The following UBE3C variants were observed in gnomAD, a reference collection of about 807,000 sequenced individuals.
The protein encoded by UBE3C is ubiquitin-protein ligase E3C.
UBE3C carries 42 observed loss-of-function variants against 129.4 expected under a neutral mutation model. The ratio of observed to expected loss-of-function variants is 0.32; its 90% confidence interval spans 0.25 to 0.42. The LOEUF is 0.42. Among genes scored for constraint, UBE3C ranks in the 10% least tolerant of loss-of-function variants. The probability of loss-of-function intolerance (pLI) is 1.00; values close to 1 mark genes in which losing one functional copy is unlikely to be tolerated. For synonymous variants in UBE3C, 510 were observed against 492.4 expected, an observed-to-expected ratio of 1.04 and a Z score of -0.47; for missense variants, 1,049 against 1,319.1, an observed-to-expected ratio of 0.80 and a Z score of 3.17.
intron 10 of UBE3C, among the ~76,000 whole-genome samples, chr7:157,200,792 T>G (rs1488898404): frequency 6.6e-6 from 1 of 151,982 alleles, no homozygotes; most frequent in Non-Finnish European, 1.5e-5. Flanking sequence ...CACACCCAAC[T>G]TTTCATAGAG....
rs1809461765 is a variant in UBE3C, at chr7:157,207,381, CT to C, written c.1419-13del. 2.5e-6 allele frequency: 4 copies of C among 1,588,722 alleles called. No individual in the cohort carries two copies. Among genetic ancestry groups the C allele is most frequent in the Non-Finnish European group, 3.4e-6 (4 of 1,174,288 alleles). ...TTTTAAAGTGACTGGTTTTTTTCTT[CT>C]TTTCTTTAATTCAAGGTCTATGGTA... On this transcript the variant is annotated splice_polypyrimidine_tract_variant and intron_variant, in intron 11 of 22. Coordinates refer to ENST00000348165, the MANE Select transcript of UBE3C (RefSeq NM_014671.3).
chr7:157,159,902 A>G (rs2116847497), intron 1 of UBE3C, among the ~76,000 whole-genome samples: 1 of 152,316 alleles, frequency 6.6e-6, no homozygotes, highest in African/African-American at 2.4e-5. Flanking sequence ...CAAAATTTAA[A>G]AATAAAACTG....
At chr7:157,256,878 T>C in intron 21 of UBE3C, 36 bp from the exon 22 acceptor site, 2 of 1,612,628 alleles carry the variant, frequency 1.2e-6, no homozygotes, top group Non-Finnish European at 1.7e-6. Flanking sequence ...TGGGTGTGCT[T>C]TGCATTTCAT....
intron 11 of UBE3C, among the ~76,000 whole-genome samples, chr7:157,206,298 T>G (rs989484882): frequency 2.0e-5 from 3 of 152,242 alleles, no homozygotes; most frequent in Non-Finnish European, 4.4e-5. Flanking sequence ...AGTCTCGCCC[T>G]GTTGCCCAGG....
At chr7:157,159,820 C>A (rs2116847270) in intron 1 of UBE3C, among the ~76,000 whole-genome samples, 1 of 152,092 alleles carries the variant, frequency 6.6e-6, no homozygotes, top group East Asian at 1.9e-4. Flanking sequence ...GACTCTGTCT[C>A]CAAAAAAATA....
rs191966728 is a variant in UBE3C at position 157,202,330 on chromosome 7, C to G, written c.1418+523C>G. Among the ~76,000 whole-genome samples the G allele has an allele frequency of 2.6e-3, 391 of 152,250 alleles. 2 individuals are homozygous for G. Among genetic ancestry groups the G allele is most frequent in the African/African-American group, 8.4e-3 (349 of 41,546 alleles). On this transcript the variant is annotated intron_variant, in intron 11 of 22. Transcript: ENST00000348165. ...ATCCTTCATGGTAAACTGACTTAGC[C>G]TAGTACTCTGTTGTTGAATTTTTCC...
intron 21 of UBE3C, among the ~76,000 whole-genome samples, chr7:157,256,227 C>T (rs1319388413): frequency 2.0e-5 from 3 of 152,156 alleles, no homozygotes; most frequent in African/African-American, 4.8e-5. Context: ...ACTGCAGCCT[C>T]TGCCTTCTGG....
rs1451304939 is a variant in UBE3C at position 157,139,296 on chromosome 7, C to T, written c.24C>T (p.Phe8=). 5.7e-6 allele frequency: 9 copies of T among 1,583,184 alleles called. No homozygotes were observed. The East Asian group carries it at 2.1e-4, about 37-fold the overall frequency. MFSFEGD[F]KTRPKVSLGG... ...GGATGTTCAGCTTCGAAGGCGACTT[C>T]AAGACGCGGCCCAAGGTGTCCCTTG... Residue 8 remains phenylalanine, a synonymous_variant, in exon 1 of 23, where the codon TTC becomes TTT. Transcript: ENST00000348165.
At chr7:157,178,987 A>G (rs1396349122) in intron 6 of UBE3C, 140 bp downstream of exon 6, 1 of 1,017,314 alleles carries the variant, frequency 9.8e-7, no homozygotes, top group Non-Finnish European at 1.4e-6. Context: ...TGCTCCATCC[A>G]CAGGTGCCCA....
intron 1 of UBE3C, among the ~76,000 whole-genome samples, chr7:157,156,508 C>T (rs1388425920): frequency 2.0e-5 from 3 of 151,566 alleles, no homozygotes; most frequent in East Asian, 1.9e-4. Context: ...GGTTTCACTA[C>T]GTTGGCTGGG....
At chr7:157,208,811 A>G (rs1809511187) in intron 13 of UBE3C, among the ~76,000 whole-genome samples, 1 of 152,224 alleles carries the variant, frequency 6.6e-6, no homozygotes, top group Admixed American at 6.5e-5. Context: ...AGAAAAGGAA[A>G]AGGGTGCTTG....
intron 18 of UBE3C, among the ~76,000 whole-genome samples, chr7:157,236,232 A>C (rs139160197): frequency 2.0e-5 from 3 of 147,120 alleles, no homozygotes; most frequent in African/African-American, 7.4e-5. Flanking sequence ...TGGTAATGTC[A>C]TCTTGAACTT....
At chr7:157,150,724 G>A (rs573391902) in intron 1 of UBE3C, among the ~76,000 whole-genome samples, 17 of 152,296 alleles carry the variant, frequency 1.1e-4, no homozygotes, top group South Asian at 8.3e-4. Context: ...TTACAAAACA[G>A]GATTGCAGTC....
At chr7:157,162,121 A>G (rs957527678) in intron 1 of UBE3C, among the ~76,000 whole-genome samples, 3 of 152,122 alleles carry the variant, frequency 2.0e-5, no homozygotes, top group Non-Finnish European at 2.9e-5. Context: ...TAGTTCATGT[A>G]TCAGTGTATA....
At chr7:157,144,735 A>G (rs143597883) in intron 1 of UBE3C, among the ~76,000 whole-genome samples, 11 of 152,266 alleles carry the variant, frequency 7.2e-5, no homozygotes, top group Admixed American at 2.0e-4. Context: ...CAGGTTTACA[A>G]TCAAGCAGAG....
chr7:157,186,515 G>A (rs1042899269), intron 9 of UBE3C, among the ~76,000 whole-genome samples: 1 of 152,072 alleles, frequency 6.6e-6, no homozygotes, highest in Admixed American at 6.6e-5. Context: ...GTTTCACTAT[G>A]TATGGTTGTC....
intron 22 of UBE3C, among the ~76,000 whole-genome samples, chr7:157,259,907 G>GT (rs913089806): frequency 1.1e-4 from 17 of 152,184 alleles, no homozygotes; most frequent in African/African-American, 3.9e-4. Flanking sequence ...CAGCATCTCA[G>GT]TTAGTGCCCT....
chr7:157,187,107 G>A, intron 10 of UBE3C, 86 bp downstream of exon 10: 4 of 1,421,918 alleles, frequency 2.8e-6, no homozygotes, highest in Non-Finnish European at 3.8e-6. Context: ...CTTAAGTTTT[G>A]TCTGCTCTTT....
chr7:157,174,177 A>G (rs1476004900), intron 4 of UBE3C, among the ~76,000 whole-genome samples: 8 of 152,208 alleles, frequency 5.3e-5, no homozygotes, highest in Admixed American at 1.3e-4. Context: ...AGCCTGGCCA[A>G]CATGGCAAAC....
Sources: gnomAD v4.1 joint callset for allele counts (sites outside exome capture counted in the v4.1 genomes callset) on GRCh38, gnomAD v4.1.1 for gene constraint, MANE v1.5 for transcripts, NCBI Gene and HGNC (gene_info 2026-07-23, HGNC 2026-07-21) for gene names.